Variants in ADCY8 observed in about 807,000 individuals in gnomAD.
ADCY8 encodes adenylate cyclase 8.
ADCY8 carries 51 observed loss-of-function variants against 119.7 expected under a neutral mutation model. The ratio of observed to expected loss-of-function variants is 0.43; its 90% CI spans 0.34 to 0.54. The LOEUF (loss-of-function observed/expected upper bound fraction) is 0.54. Among genes scored for constraint, ADCY8 ranks in the 20% least tolerant of loss-of-function variants. The probability of loss-of-function intolerance (pLI) is 0.03; values close to 1 mark genes in which losing one functional copy is unlikely to be tolerated. For missense variants in ADCY8, 1,383 were observed against 1,598.8 expected, an observed-to-expected ratio of 0.87 and a Z score of 2.30; for synonymous variants, 665 against 651.0, an observed-to-expected ratio of 1.02 and a Z score of -0.33.
intron 12 of ADCY8, among the ~76,000 whole-genome samples, chr8:130,831,270 T>C (rs1486441346): frequency 1.3e-5 from 2 of 152,228 alleles, no homozygotes; most frequent in Non-Finnish European, 2.9e-5. Context: ...ATTCTGCAAA[T>C]ATTTAATTGG....
intron 4 of ADCY8, among the ~76,000 whole-genome samples, chr8:130,940,531 G>A (rs1419321068): frequency 6.6e-6 from 1 of 151,714 alleles, no homozygotes; most frequent in East Asian, 1.9e-4. Flanking sequence ...TAAAATGTAT[G>A]TAATATATAT....
At position 130,814,191 on chromosome 8, in the gene ADCY8, C is replaced by T. The variant is rs140319518; in HGVS notation, c.2791G>A (p.Val931Ile). The T allele has an allele frequency of 5.0e-5, 80 of 1,614,008 alleles. No homozygotes were observed. Among genetic ancestry groups the T allele is most frequent in the Non-Finnish European group, 6.6e-5 (78 of 1,180,050 alleles). The change falls in exon 14 of 18, where the codon GTA becomes ATA. Residue 931 changes from valine (V) to isoleucine (I), a missense_variant. Val to Ile is a conservative substitution (Grantham distance 29). Around this residue, in one of 2 missense-constraint regions of ADCY8, gnomAD observed 928 missense variants for 1,163.5 expected, o/e 0.80. Coordinates refer to ENST00000286355, the MANE Select transcript of ADCY8 (RefSeq NM_001115.3). Reference sequence around the variant, plus strand: ...TCATTGATCTCCTCTTTGGCCTGTACTCGCCAAAGGAAGTCCAGGCGGGCT... The same window carrying T: ...TCATTGATCTCCTCTTTGGCCTGTATTCGCCAAAGGAAGTCCAGGCGGGCT... ...YTARLDFLWR[V>I]QAKEEINEMK...
At chr8:130,915,983 G>A (rs561761691) in intron 5 of ADCY8, among the ~76,000 whole-genome samples, 1 of 152,260 alleles carries the variant, frequency 6.6e-6, no homozygotes, top group African/African-American at 2.4e-5. Context: ...TAGTTATGGA[G>A]GTCAACTACG....
chr8:130,817,094 AC>A (rs1388048181), intron 13 of ADCY8, among the ~76,000 whole-genome samples: 1 of 152,222 alleles, frequency 6.6e-6, no homozygotes, highest in Admixed American at 6.5e-5. Flanking sequence ...AAAACTGTTT[AC>A]AATAATCACA....
chr8:131,005,331 G>A (rs1319909887), intron 1 of ADCY8, among the ~76,000 whole-genome samples: 3 of 152,266 alleles, frequency 2.0e-5, no homozygotes, highest in East Asian at 3.9e-4. Flanking sequence ...TAGTACTGCC[G>A]TCCTCATACA....
chr8:130,859,315 C>G lies in ADCY8; in HGVS notation c.2210+8531G>C, dbSNP rs565632947. 3.3e-5 allele frequency among the ~76,000 whole-genome samples: 5 copies of G among 152,370 alleles called. No homozygotes were observed. The South Asian group carries it at 1.0e-3, about 32-fold the overall frequency. Reference sequence around the variant, plus strand: ...CAGGATATTTCTAACTTTCTCCCTTCATTTGCATGTAAACTTCCATTCCAA... The same window carrying G: ...CAGGATATTTCTAACTTTCTCCCTTGATTTGCATGTAAACTTCCATTCCAA... On this transcript the variant is annotated intron_variant, in intron 9 of 17. Transcript: ENST00000286355.
At chr8:130,967,748 G>A (rs1246002759) in intron 2 of ADCY8, among the ~76,000 whole-genome samples, 1 of 151,792 alleles carries the variant, frequency 6.6e-6, no homozygotes. Flanking sequence ...TTTCTCAGAT[G>A]CCTTTATTAG....
rs1014236835 is a variant in ADCY8 at position 130,926,621 on chromosome 8, A to G, written c.1481+10452T>C. ...AACACATGACATCCAGTCTCTTACCATTTTTCAAGAATAAAATATATTGTC... is the reference window on the plus strand; with the variant it reads ...AACACATGACATCCAGTCTCTTACCGTTTTTCAAGAATAAAATATATTGTC... On this transcript the variant is annotated intron_variant, in intron 5 of 17. Coordinates refer to ENST00000286355, the MANE Select transcript of ADCY8 (RefSeq NM_001115.3). Among the ~76,000 whole-genome samples, 4 of 152,192 alleles carry G rather than the reference A, an allele frequency of 2.6e-5. No individual in the cohort carries two copies. The East Asian group carries it at 7.7e-4, about 29-fold the overall frequency.
At chr8:130,843,418 G>A (rs911347915) in intron 11 of ADCY8, among the ~76,000 whole-genome samples, 3 of 152,136 alleles carry the variant, frequency 2.0e-5, no homozygotes, top group African/African-American at 7.2e-5. Context: ...ATGTTCTGCA[G>A]ACTGTAGCCA....
chr8:130,879,989 G>C (rs1035787166), intron 8 of ADCY8, among the ~76,000 whole-genome samples: 1 of 152,168 alleles, frequency 6.6e-6, no homozygotes, highest in Non-Finnish European at 1.5e-5. Context: ...TCTCGTGATA[G>C]TGAATGGGTC....
intron 7 of ADCY8, among the ~76,000 whole-genome samples, chr8:130,899,024 T>C (rs1450942102): frequency 1.3e-5 from 2 of 152,206 alleles, no homozygotes; most frequent in Non-Finnish European, 2.9e-5. Context: ...CTCCATCTGT[T>C]ACTCCTTTTC....
At chr8:130,956,106 C>G (rs534647610) in intron 2 of ADCY8, among the ~76,000 whole-genome samples, 1 of 152,074 alleles carries the variant, frequency 6.6e-6, no homozygotes, top group South Asian at 2.1e-4. Context: ...GTTTGTGCCA[C>G]GGCACTCCAG....
chr8:131,004,050 G>GA (rs1250826235), intron 1 of ADCY8, among the ~76,000 whole-genome samples: 3 of 152,126 alleles, frequency 2.0e-5, no homozygotes, highest in Non-Finnish European at 2.9e-5. Flanking sequence ...TAACTGCAGA[G>GA]AAAAAAAGGT....
At chr8:130,970,204 G>T (rs917786914) in intron 2 of ADCY8, among the ~76,000 whole-genome samples, 1 of 152,140 alleles carries the variant, frequency 6.6e-6, no homozygotes, top group South Asian at 2.1e-4. Context: ...GAACTGGGCT[G>T]CACAGCAGGA....
At chr8:130,854,633 G>T (rs1254996986) in intron 9 of ADCY8, among the ~76,000 whole-genome samples, 2 of 152,168 alleles carry the variant, frequency 1.3e-5, no homozygotes, top group Non-Finnish European at 2.9e-5. Context: ...AAGGGAATTT[G>T]CCAGAAATAG....
intron 16 of ADCY8, 26 bp downstream of exon 16, chr8:130,785,357 G>A (rs369825848): frequency 7.7e-6 from 12 of 1,550,270 alleles, no homozygotes; most frequent in Middle Eastern, 1.8e-4. Flanking sequence ...ACCATGCATT[G>A]TGGCTGAGTC....
chr8:130,781,484 A>G (rs537029411), intron 17 of ADCY8, among the ~76,000 whole-genome samples: 3 of 152,256 alleles, frequency 2.0e-5, no homozygotes, highest in Admixed American at 6.5e-5. Flanking sequence ...CCACTTAAAT[A>G]TCTTCCAGGG....
chr8:131,010,379 A>C (rs911195699), intron 1 of ADCY8, among the ~76,000 whole-genome samples: 2 of 152,214 alleles, frequency 1.3e-5, no homozygotes, highest in African/African-American at 4.8e-5. Flanking sequence ...AGTTCTGTCA[A>C]ATCTGCATAG....
intron 11 of ADCY8, among the ~76,000 whole-genome samples, chr8:130,839,564 T>C (rs1817080456): frequency 7.1e-6 from 1 of 140,394 alleles, no homozygotes; most frequent in African/African-American, 2.4e-5. Flanking sequence ...TGTGAAAGCT[T>C]TGTGAAAACA....
Sources: gnomAD v4.1 joint callset for allele counts (sites outside exome capture counted in the v4.1 genomes callset) on GRCh38, gnomAD v4.1.1 for gene constraint, gnomAD v4.1.1 regional missense constraint, MANE v1.5 for transcripts, NCBI Gene and HGNC (gene_info 2026-07-23, HGNC 2026-07-21) for gene names.